The following CIMAP2 variants were observed in gnomAD, a reference collection of about 807,000 sequenced individuals.
The protein encoded by CIMAP2 is ciliary microtubule associated protein 2, also known as ciliary microtubule-associated protein 2.
the CIMAP2 span, chr1:54,811,767 C>CGGCGGGGCG: frequency 1.8e-6 from 2 of 1,088,170 alleles, no homozygotes; most frequent in Non-Finnish European, 2.7e-6. Flanking sequence ...TTCTGACAGC[C>CGGCGGGGCG]TCCATGCCCC....
At chr1:54,807,179 G>T in the CIMAP2 span, 1 of 1,315,262 alleles carries the variant, frequency 7.6e-7, no homozygotes, top group Non-Finnish European at 1.1e-6. Context: ...TGTAGAAGGG[G>T]CGTACTTTCT....
chr1:54,808,379 G>A, the CIMAP2 span, among the ~76,000 whole-genome samples: 27,793 of 152,164 alleles, frequency 0.18, 2,818 homozygotes, highest in East Asian at 0.3. Flanking sequence ...CAGGTCGTGA[G>A]CAACGGAGAC....
chr1:54,825,822 G>T, the CIMAP2 span, among the ~76,000 whole-genome samples: 2 of 152,144 alleles, frequency 1.3e-5, no homozygotes, highest in Non-Finnish European at 2.9e-5. Flanking sequence ...TAGTGCATGT[G>T]GGTGCCAGCA....
the CIMAP2 span, among the ~76,000 whole-genome samples, chr1:54,839,623 C>T: frequency 6.6e-6 from 1 of 152,138 alleles, no homozygotes; most frequent in African/African-American, 2.4e-5. Context: ...GGTGATCCAC[C>T]TGCCTTGGCC....
At chr1:54,831,290 A>AT in the CIMAP2 span, among the ~76,000 whole-genome samples, 3 of 152,326 alleles carry the variant, frequency 2.0e-5, no homozygotes, top group Non-Finnish European at 4.4e-5. Context: ...TGAAATGCAT[A>AT]TTTTTCTGAA....
chr1:54,840,090 A>G, the CIMAP2 span, among the ~76,000 whole-genome samples: 2 of 152,192 alleles, frequency 1.3e-5, no homozygotes, highest in South Asian at 4.1e-4. Context: ...GTTGTCATAC[A>G]TATAACCTCA....
At chr1:54,823,162 T>C in the CIMAP2 span, among the ~76,000 whole-genome samples, 8 of 152,316 alleles carry the variant, frequency 5.3e-5, no homozygotes, top group African/African-American at 1.9e-4. Context: ...ATGCTGAAAG[T>C]GGGGTCTTGT....
chr1:54,834,284 G>T, the CIMAP2 span, among the ~76,000 whole-genome samples: 1 of 152,136 alleles, frequency 6.6e-6, no homozygotes, highest in Non-Finnish European at 1.5e-5. Flanking sequence ...CTACTTTCCA[G>T]CTCTGGTGTC....
At chr1:54,809,005 CCT>C in the CIMAP2 span, among the ~76,000 whole-genome samples, 1 of 7,768 alleles carries the variant, frequency 1.3e-4, no homozygotes, top group African/African-American at 2.9e-4. Context: ...GACAGCAGCC[CCT>C]GAGGGCGGAC....
chr1:54,831,849 T>C, the CIMAP2 span, among the ~76,000 whole-genome samples: 1 of 152,252 alleles, frequency 6.6e-6, no homozygotes, highest in South Asian at 2.1e-4. Context: ...GAAGAAATTA[T>C]AATAACCATG....
the CIMAP2 span, among the ~76,000 whole-genome samples, chr1:54,818,947 C>T: frequency 1.3e-5 from 2 of 152,132 alleles, no homozygotes; most frequent in African/African-American, 4.8e-5. Flanking sequence ...AGTTCTTTTG[C>T]CCCCTGTGTT....
the CIMAP2 span, among the ~76,000 whole-genome samples, chr1:54,840,436 C>A: frequency 6.6e-6 from 1 of 152,192 alleles, no homozygotes; most frequent in Admixed American, 6.5e-5. Context: ...AATAAAGCTG[C>A]TATAAACAGT....
chr1:54,810,007 G>T, the CIMAP2 span, among the ~76,000 whole-genome samples: 1 of 152,106 alleles, frequency 6.6e-6, no homozygotes, highest in Non-Finnish European at 1.5e-5. Flanking sequence ...AAAACCGTAG[G>T]CTTTCCCATC....
At chr1:54,817,865 C>G in the CIMAP2 span, among the ~76,000 whole-genome samples, 3 of 152,092 alleles carry the variant, frequency 2.0e-5, no homozygotes, top group Non-Finnish European at 4.4e-5. Flanking sequence ...TCCTCCTTCT[C>G]AACTTACCCC....
chr1:54,841,984 T>C, the CIMAP2 span: 3 of 1,132,060 alleles, frequency 2.7e-6, no homozygotes. Context: ...AAAGGACACA[T>C]GGGCTTGGGA....
the CIMAP2 span, among the ~76,000 whole-genome samples, chr1:54,833,109 T>C: frequency 1.3e-5 from 2 of 152,182 alleles, no homozygotes; most frequent in African/African-American, 4.8e-5. Context: ...CCTTCTTCTC[T>C]AGAGTGGTGG....
the CIMAP2 span, chr1:54,811,920 C>T: frequency 1.1e-4 from 180 of 1,614,038 alleles, no homozygotes; most frequent in Non-Finnish European, 1.5e-4. Context: ...GCCACACCCC[C>T]GGCCTCATCA....
At chr1:54,826,034 A>G in the CIMAP2 span, among the ~76,000 whole-genome samples, 1 of 152,144 alleles carries the variant, frequency 6.6e-6, no homozygotes, top group East Asian at 1.9e-4. Flanking sequence ...TACAGGTAGC[A>G]TGGGCCTGTC....
the CIMAP2 span, among the ~76,000 whole-genome samples, chr1:54,815,478 C>T: frequency 6.6e-6 from 1 of 152,126 alleles, no homozygotes; most frequent in East Asian, 1.9e-4. Context: ...TTGTCTTGGG[C>T]CTCAGGGGCA....
Sources: allele counts gnomAD v4.1 joint callset (sites outside exome capture counted in the v4.1 genomes callset), GRCh38; gene constraint gnomAD v4.1.1; transcripts MANE v1.5; gene names NCBI Gene and HGNC (gene_info 2026-07-23, HGNC 2026-07-21).